Variants in ANKFN1 observed in about 807,000 individuals in gnomAD.
ANKFN1 encodes ankyrin repeat and fibronectin type III domain containing 1, also known as ankyrin repeat and fibronectin type-III domain-containing protein 1.
Under a neutral mutation model 108.7 loss-of-function variants are expected in ANKFN1, and 74 were observed. The observed-to-expected ratio is 0.68, with a 90% CI of 0.56 to 0.83. The LOEUF is 0.83. Ranked by LOEUF, ANKFN1 falls within the 40% of genes least tolerant of loss-of-function variation. The pLI is 0.00. For missense variants in ANKFN1, 1,505 were observed against 1,382.3 expected (o/e 1.09, Z -1.41); for synonymous variants, 547 against 516.2 (o/e 1.06, Z -0.81).
chr17:56,165,656 T>C (rs1014875822), intron 1 of ANKFN1, among the ~76,000 whole-genome samples: 2 of 152,158 alleles, frequency 1.3e-5, no homozygotes, highest in Admixed American at 6.5e-5. Flanking sequence ...ATTTTTTTTT[T>C]AGTTTTCATA....
Position 56,157,308 on chromosome 17 carries a change from C to A in ANKFN1, c.-71+3778C>A, listed in dbSNP as rs777619089. On this transcript the variant is annotated intron_variant, in intron 1 of 20. Coordinates refer to ENST00000682825, the MANE Select transcript of ANKFN1 (RefSeq NM_001370326.1). The stretch of plus-strand genomic sequence containing the variant: ...AACAGGTGAGGAGGAATGTAGAGGG[C>A]TCAGGAAATGAGCAATGCAGCAGCT... Among the ~76,000 whole-genome samples, 21 of 152,198 alleles carry A rather than the reference C, an allele frequency of 1.4e-4. 1 individual carries two copies. The highest frequency in any genetic ancestry group is 2.9e-4 in the Non-Finnish European group (20 of 68,034).
intron 8 of ANKFN1, among the ~76,000 whole-genome samples, chr17:56,402,714 G>A (rs967234700): frequency 4.6e-5 from 7 of 151,806 alleles, no homozygotes; most frequent in Non-Finnish European, 7.4e-5. Context: ...TAGTTCTGCT[G>A]TGATCTTGGT....
At chr17:56,336,445 G>T (rs2045812615) in intron 4 of ANKFN1, among the ~76,000 whole-genome samples, 1 of 152,098 alleles carries the variant, frequency 6.6e-6, no homozygotes, top group African/African-American at 2.4e-5. Context: ...GTTTAGTCTT[G>T]GGAGGGTGTA....
chr17:56,373,493 C>T (rs928825080), intron 7 of ANKFN1, among the ~76,000 whole-genome samples: 1 of 152,292 alleles, frequency 6.6e-6, no homozygotes, highest in East Asian at 1.9e-4. Context: ...ATATTAAACT[C>T]TCATTCTAGA....
intron 1 of ANKFN1, among the ~76,000 whole-genome samples, chr17:56,176,043 G>A (rs1230071184): frequency 6.6e-6 from 1 of 151,958 alleles, no homozygotes; most frequent in African/African-American, 2.4e-5. Flanking sequence ...GATTTTTGCA[G>A]AGTGTGACAT....
intron 14 of ANKFN1, among the ~76,000 whole-genome samples, chr17:56,458,753 A>G (rs2049801656): frequency 6.6e-6 from 1 of 152,190 alleles, no homozygotes; most frequent in African/African-American, 2.4e-5. Flanking sequence ...TTTATCAGTA[A>G]CGGGTATCTA....
intron 9 of ANKFN1, among the ~76,000 whole-genome samples, chr17:56,441,205 C>A (rs934918811): frequency 6.6e-6 from 1 of 151,864 alleles, no homozygotes; most frequent in Non-Finnish European, 1.5e-5. Context: ...TAAATCAAAC[C>A]TTTTTCAGTC....
intron 4 of ANKFN1, among the ~76,000 whole-genome samples, chr17:56,327,569 C>G (rs184519011): frequency 1.1e-4 from 17 of 152,200 alleles, no homozygotes; most frequent in African/African-American, 4.1e-4. Context: ...ATCACAAGAG[C>G]CAAGGTCATT....
At chr17:56,238,712 A>T (rs753410751) in intron 3 of ANKFN1, among the ~76,000 whole-genome samples, 3 of 152,070 alleles carry the variant, frequency 2.0e-5, no homozygotes, top group Non-Finnish European at 4.4e-5. Flanking sequence ...ACAGCATACC[A>T]TGAGTCCCTT....
At chr17:56,053,281 T>C (rs918854781) in intron 4 of ANKFN1, among the ~76,000 whole-genome samples, 2 of 152,136 alleles carry the variant, frequency 1.3e-5, no homozygotes, top group African/African-American at 4.8e-5. Context: ...CCTCATGCCT[T>C]TATCCCCCAC....
chr17:56,308,486 T>C (rs570424975), intron 3 of ANKFN1, among the ~76,000 whole-genome samples: 72 of 152,292 alleles, frequency 4.7e-4, no homozygotes, highest in African/African-American at 1.6e-3. Flanking sequence ...AATAATTTCA[T>C]CTGCACATAG....
chr17:56,265,727 A>G (rs2043632476), intron 3 of ANKFN1, among the ~76,000 whole-genome samples: 1 of 152,234 alleles, frequency 6.6e-6, no homozygotes, highest in African/African-American at 2.4e-5. Flanking sequence ...TGCATATAAC[A>G]TATACACATC....
At chr17:56,455,868 G>A (rs17213446) in intron 11 of ANKFN1, among the ~76,000 whole-genome samples, 2,709 of 152,218 alleles carry the variant, frequency 0.018, 54 homozygotes, top group East Asian at 0.093. Context: ...GTTTTCCCAG[G>A]CACTGACTTT....
At chr17:56,362,867 C>CA (rs1344661822) in intron 6 of ANKFN1, among the ~76,000 whole-genome samples, 5 of 151,972 alleles carry the variant, frequency 3.3e-5, no homozygotes, top group Non-Finnish European at 5.9e-5. Context: ...GGTTAATGTC[C>CA]AAAAAATGTA....
Position 56,510,846 on chromosome 17 carries a change from C to A in ANKFN1, c.3018C>A (p.Pro1006=), listed in dbSNP as rs759608327. Residue 1006 remains proline, a synonymous_variant, in exon 21 of 21, where the codon CCC becomes CCA. Transcript: ENST00000682825. ...GAAAGCGGAAGCCAGGCAAGCACCC[C>A]CACTATGGCGGCTTCAGCCGCCATC... The part of the protein sequence containing the change: ...FLGKRKPGKH[P]HYGGFSRHHR... 1 of 1,536,050 alleles carries A rather than the reference C, an allele frequency of 6.5e-7. No homozygotes were observed.
In ANKFN1 at chr17:56,193,403, TA is replaced by T. The variant is rs201101296; in HGVS notation, c.-70-19184del. On this transcript the variant is annotated intron_variant, in intron 1 of 20. Transcript: ENST00000682825. ...TGTACCCTAAAACTTAAAGTATAATTAAAAAAAAAAATACAGCTAGTATAAT... is the reference window on the plus strand; with the variant it reads ...TGTACCCTAAAACTTAAAGTATAATTAAAAAAAAAATACAGCTAGTATAAT... Among the ~76,000 whole-genome samples the T allele has an allele frequency of 9.3e-3, 1,309 of 141,058 alleles. 17 individuals carry two copies. The highest frequency in any genetic ancestry group is 0.028 in the African/African-American group (1,073 of 38,258). The allele number at this position is 141,058 out of a possible 152,430, so 92.5% of individuals were successfully genotyped here. A position where few individuals can be genotyped will look rare whatever the true frequency, so the allele number is the denominator to read the frequency against.
chr17:56,254,805 A>G (rs930143956), intron 3 of ANKFN1, among the ~76,000 whole-genome samples: 11 of 152,180 alleles, frequency 7.2e-5, no homozygotes, highest in Non-Finnish European at 1.2e-4. Flanking sequence ...AAGAAGGGAT[A>G]GTGAGGAGGG....
Position 56,480,888 on chromosome 17 carries a change from G to GGTGTGTGTGTGTGTGT in ANKFN1, c.2091+89_2091+104dup, listed in dbSNP as rs749625590. ...GAAACTGCATTGTAACATTAAGTGG[G>GGTGTGTGTGTGTGTGT]GTGTGTGTGTGTGTGTGTGTGTGTG... On this transcript the variant is annotated intron_variant, in intron 17 of 20. Transcript: ENST00000682825. 9.0e-6 allele frequency: 12 copies of GGTGTGTGTGTGTGTGT among 1,337,668 alleles called. No homozygotes were observed. In the African/African-American group the frequency reaches 1.2e-4, roughly 14 times the overall value. 82.9% of individuals were successfully genotyped at this position (1,337,668 alleles called of 1,614,324 possible).
At chr17:56,257,727 G>A (rs1366127663) in intron 3 of ANKFN1, among the ~76,000 whole-genome samples, 5 of 152,132 alleles carry the variant, frequency 3.3e-5, no homozygotes, top group Non-Finnish European at 7.3e-5. Context: ...TGGACAATTC[G>A]AGAAATTATT....
Sources: allele counts gnomAD v4.1 joint callset (sites outside exome capture counted in the v4.1 genomes callset), GRCh38; gene constraint gnomAD v4.1.1; transcripts MANE v1.5; gene names NCBI Gene and HGNC (gene_info 2026-07-23, HGNC 2026-07-21).